DLC1: variants seen among roughly 807,000 people sequenced by gnomAD.
The protein encoded by DLC1 is rho GTPase-activating protein 7.
A neutral mutation model predicts 140.3 loss-of-function variants in DLC1; 54 were observed. The observed-to-expected ratio is 0.38, with a 90% CI of 0.31 to 0.48. DLC1 has a LOEUF of 0.48. Among genes scored for constraint, DLC1 ranks in the 20% least tolerant of loss-of-function variants. The probability of loss-of-function intolerance (pLI) is 0.96; values close to 1 mark genes in which losing one functional copy is unlikely to be tolerated. For synonymous variants in DLC1, 986 were observed against 728.1 expected (o/e 1.35, Z -5.70); for missense variants, 2,536 against 1,907.0 (o/e 1.33, Z -6.14).
intron 2 of DLC1, among the ~76,000 whole-genome samples, chr8:13,443,461 C>T (rs1313753167): frequency 1.3e-5 from 2 of 150,884 alleles, no homozygotes; most frequent in African/African-American, 4.9e-5. Flanking sequence ...AGATCGAGAC[C>T]ATCCTGGCTA....
At chr8:13,544,048 A>C (rs1442818451) in intron 1 of DLC1, among the ~76,000 whole-genome samples, 1 of 152,166 alleles carries the variant, frequency 6.6e-6, no homozygotes. Context: ...GATTAAAAAT[A>C]AGCTTAAAAT....
At chr8:13,408,007 T>A (rs1347185506) in intron 2 of DLC1, among the ~76,000 whole-genome samples, 1 of 152,212 alleles carries the variant, frequency 6.6e-6, no homozygotes, top group African/African-American at 2.4e-5. Flanking sequence ...TTTAGAGCAG[T>A]GAAGATTTTC....
At chr8:13,116,940 G>A (rs1001356085) in intron 5 of DLC1, among the ~76,000 whole-genome samples, 3 of 152,206 alleles carry the variant, frequency 2.0e-5, no homozygotes, top group African/African-American at 4.8e-5. Flanking sequence ...ACTTAGGACC[G>A]AAATGGGAGC....
At chr8:13,386,885 C>T (rs1275745322) in intron 4 of DLC1, among the ~76,000 whole-genome samples, 2 of 151,956 alleles carry the variant, frequency 1.3e-5, no homozygotes, top group Non-Finnish European at 2.9e-5. Context: ...CAATGAGGAT[C>T]TTACCAACAG....
intron 4 of DLC1, among the ~76,000 whole-genome samples, chr8:13,337,199 GT>G (rs1319460066): frequency 1.3e-5 from 2 of 152,064 alleles, no homozygotes; most frequent in African/African-American, 4.8e-5. Context: ...CACACAAAAG[GT>G]GGCCTATATG....
At chr8:13,394,324 A>G (rs369375103) in intron 3 of DLC1, among the ~76,000 whole-genome samples, 13 of 152,232 alleles carry the variant, frequency 8.5e-5, no homozygotes, top group Admixed American at 2.6e-4. Flanking sequence ...TTTCATAAGC[A>G]TAAAGCAAAG....
rs967258314 is a variant in DLC1, at chr8:13,545,119, A to T, written c.-125-44923T>A. Among the ~76,000 whole-genome samples, 4 of 152,260 alleles carry T rather than the reference A, an allele frequency of 2.6e-5. No individual in the cohort carries two copies. In the East Asian group the frequency reaches 7.7e-4, roughly 29 times the overall value. On this transcript the variant is annotated intron_variant, in intron 1 of 1. Transcript: ENST00000631382. ...TTTAAAATTAACTATGAATAAATAC[A>T]TATGTAAATAAATTTAAACTGCAAC...
At chr8:13,105,635 C>T (rs2128942234) in intron 7 of DLC1, among the ~76,000 whole-genome samples, 1 of 150,286 alleles carries the variant, frequency 6.7e-6, no homozygotes, top group South Asian at 2.1e-4. Flanking sequence ...ATTGCCCAGG[C>T]TGGAGTGCAG....
At chr8:13,460,044 A>G (rs80004488) in intron 2 of DLC1, among the ~76,000 whole-genome samples, 9,712 of 152,112 alleles carry the variant, frequency 0.064, 703 homozygotes, top group African/African-American at 0.18. Context: ...AACTTCCCCA[A>G]GTGATTCTGC....
intron 2 of DLC1, among the ~76,000 whole-genome samples, chr8:13,495,802 A>T (rs1801474106): frequency 6.6e-6 from 1 of 152,352 alleles, no homozygotes; most frequent in East Asian, 1.9e-4. Flanking sequence ...TTTTATTAAA[A>T]GTACAATGAT....
At chr8:13,589,495 G>T (rs1354521091) in intron 1 of DLC1, among the ~76,000 whole-genome samples, 2 of 152,030 alleles carry the variant, frequency 1.3e-5, no homozygotes, top group African/African-American at 2.4e-5. Flanking sequence ...AAGTTGGCTT[G>T]TGTTGAGTTC....
intron 1 of DLC1, among the ~76,000 whole-genome samples, chr8:13,531,649 T>A (rs1585247167): frequency 6.6e-6 from 1 of 152,110 alleles, no homozygotes; most frequent in South Asian, 2.1e-4. Context: ...AGTAATAACA[T>A]TAATAATAGG....
At chr8:13,473,544 G>A (rs1043724463) in intron 2 of DLC1, among the ~76,000 whole-genome samples, 3 of 152,122 alleles carry the variant, frequency 2.0e-5, no homozygotes, top group African/African-American at 7.2e-5. Context: ...ACTGGGTAAC[G>A]GGCAGGGGTT....
intron 3 of DLC1, among the ~76,000 whole-genome samples, chr8:13,400,812 T>C (rs1837260446): frequency 6.6e-6 from 1 of 152,140 alleles, no homozygotes; most frequent in East Asian, 1.9e-4. Context: ...AGGCCTTTAA[T>C]ATGATGCTGA....
intron 4 of DLC1, among the ~76,000 whole-genome samples, chr8:13,390,369 G>C (rs140409244): frequency 2.0e-5 from 3 of 152,222 alleles, no homozygotes; most frequent in African/African-American, 7.2e-5. Context: ...GTCTATCATT[G>C]ATGGGCATTC....
intron 5 of DLC1, among the ~76,000 whole-genome samples, chr8:13,296,950 C>T (rs915246132): frequency 2.0e-5 from 3 of 151,950 alleles, no homozygotes; most frequent in African/African-American, 7.2e-5. Context: ...AAACTATGTT[C>T]TATTGGTTCT....
At chr8:13,092,577 C>T in intron 13 of DLC1, 35 bp downstream of exon 13, 2 of 1,520,028 alleles carry the variant, frequency 1.3e-6, no homozygotes, top group East Asian at 4.9e-5. Context: ...TGTAGGCTGC[C>T]CCCTGTGTGC....
chr8:13,296,086 G>T (rs1284668787), intron 5 of DLC1, among the ~76,000 whole-genome samples: 1 of 150,840 alleles, frequency 6.6e-6, no homozygotes, highest in Non-Finnish European at 1.5e-5. Context: ...CTCCCGAGTA[G>T]CTGGGATCAT....
intron 5 of DLC1, among the ~76,000 whole-genome samples, chr8:13,191,496 C>T (rs116205410): frequency 1.2e-3 from 172 of 137,910 alleles, no homozygotes; most frequent in African/African-American, 4.2e-3. Flanking sequence ...GTCTCAAAAA[C>T]AACAACAACA....
Sources: gnomAD v4.1 joint callset for allele counts (sites outside exome capture counted in the v4.1 genomes callset) on GRCh38, gnomAD v4.1.1 for gene constraint, MANE v1.5 for transcripts, NCBI Gene and HGNC (gene_info 2026-07-23, HGNC 2026-07-21) for gene names.